CACHD1: variants seen among roughly 807,000 people sequenced by gnomAD.
CACHD1 encodes cache domain containing 1.
CACHD1 carries 71 observed loss-of-function variants against 138.7 expected under a neutral mutation model. The observed-to-expected ratio is 0.51, with a 90% CI of 0.42 to 0.62. CACHD1 has a LOEUF of 0.62. CACHD1 is among the 20% of genes least tolerant of loss of function. The probability of loss-of-function intolerance (pLI) is 0.00; values close to 1 mark genes in which losing one functional copy is unlikely to be tolerated. For missense variants in CACHD1, 1,389 were observed against 1,625.3 expected (o/e 0.85, Z 2.50); for synonymous variants, 578 against 591.5 (o/e 0.98, Z 0.33).
chr1:64,616,310 G>A (rs1245283414), intron 4 of CACHD1, among the ~76,000 whole-genome samples: 1 of 152,148 alleles, frequency 6.6e-6, no homozygotes, highest in Non-Finnish European at 1.5e-5. Context: ...CAAGCATGTG[G>A]TGGTTACCGT....
intron 4 of CACHD1, among the ~76,000 whole-genome samples, chr1:64,625,958 T>A (rs1417082196): frequency 2.6e-5 from 4 of 152,136 alleles, no homozygotes; most frequent in African/African-American, 7.2e-5. Flanking sequence ...TAAGTCGAGA[T>A]GTTTGCTAGA....
chr1:64,503,777 C>T (rs1437155092), intron 1 of CACHD1, among the ~76,000 whole-genome samples: 1 of 152,182 alleles, frequency 6.6e-6, no homozygotes, highest in Non-Finnish European at 1.5e-5. Flanking sequence ...ATTTGTTAGA[C>T]TAATGGGTAA....
chr1:64,682,899 CTT>C lies in CACHD1; in HGVS notation c.3586+805_3586+806del, dbSNP rs34723423. ...AGTGTTTTTCCTGCCATTGTAAAAT[CTT>C]TTTTTTTTTTTAAGATAGCTGTTTA... On this transcript the variant is annotated intron_variant, in intron 26 of 26. Transcript: ENST00000651257. Among the ~76,000 whole-genome samples, 1,053 of 147,360 alleles carry C rather than the reference CTT, an allele frequency of 7.1e-3. 9 individuals carry two copies. The highest frequency in any genetic ancestry group is 0.022 in the African/African-American group (901 of 40,454).
intron 16 of CACHD1, among the ~76,000 whole-genome samples, chr1:64,669,155 C>T (rs780731665): frequency 5.3e-5 from 8 of 152,108 alleles, no homozygotes; most frequent in Non-Finnish European, 8.8e-5. Context: ...AAATGTTAAG[C>T]ACTTTTATAA....
At chr1:64,520,349 C>G (rs1646489412) in intron 1 of CACHD1, among the ~76,000 whole-genome samples, 1 of 152,208 alleles carries the variant, frequency 6.6e-6, no homozygotes, top group Admixed American at 6.5e-5. Context: ...GTCTCACACA[C>G]CCACACAAAT....
chr1:64,575,768 A>G (rs1646962382), intron 2 of CACHD1, among the ~76,000 whole-genome samples: 2 of 152,206 alleles, frequency 1.3e-5, no homozygotes, highest in Non-Finnish European at 2.9e-5. Context: ...GGAAGCAGAC[A>G]TAAATAAAGT....
At chr1:64,678,037 C>A in intron 22 of CACHD1, 122 bp from the exon 23 acceptor site, 2 of 988,014 alleles carry the variant, frequency 2.0e-6, no homozygotes, top group Non-Finnish European at 2.9e-6. Context: ...GAAACTAAAG[C>A]TCAAGAAATT....
At chr1:64,652,502 C>G (rs1044355671) in intron 10 of CACHD1, among the ~76,000 whole-genome samples, 192 bp downstream of exon 10, 1 of 152,112 alleles carries the variant, frequency 6.6e-6, no homozygotes, top group African/African-American at 2.4e-5. Context: ...TTTCTCTGTT[C>G]TTTGAGGGGT....
intron 2 of CACHD1, among the ~76,000 whole-genome samples, chr1:64,560,881 GATT>G (rs1292734754): frequency 1.3e-5 from 2 of 151,860 alleles, no homozygotes; most frequent in Non-Finnish European, 2.9e-5. Flanking sequence ...ACACATTTAA[GATT>G]ATGTCTTCCT....
intron 3 of CACHD1, among the ~76,000 whole-genome samples, chr1:64,582,875 G>T (rs930271983): frequency 2.0e-5 from 3 of 152,142 alleles, no homozygotes; most frequent in African/African-American, 7.2e-5. Context: ...CACTTATCTG[G>T]AGGTGCAAAG....
chr1:64,679,178 T>C (rs1475835464), intron 23 of CACHD1, among the ~76,000 whole-genome samples: 1 of 152,204 alleles, frequency 6.6e-6, no homozygotes, highest in African/African-American at 2.4e-5. Flanking sequence ...GCTTCGAAAC[T>C]TGATCCGGTT....
chr1:64,606,145 A>ACACG (rs1479342829), intron 4 of CACHD1, among the ~76,000 whole-genome samples: 4 of 151,716 alleles, frequency 2.6e-5, no homozygotes, highest in Non-Finnish European at 4.4e-5. Flanking sequence ...ACACACGCAC[A>ACACG]CAGCTTATAA....
At chr1:64,667,553 G>A (rs1649676113) in intron 16 of CACHD1, among the ~76,000 whole-genome samples, 1 of 152,204 alleles carries the variant, frequency 6.6e-6, no homozygotes, top group African/African-American at 2.4e-5. Context: ...ACATCCCTCA[G>A]TGTTCTCATT....
intron 2 of CACHD1, among the ~76,000 whole-genome samples, chr1:64,555,077 C>T (rs1004636254): frequency 6.6e-6 from 1 of 152,156 alleles, no homozygotes; most frequent in African/African-American, 2.4e-5. Flanking sequence ...CAGCCTCCAC[C>T]TTTGGGGCTC....
rs139267751 is a variant in CACHD1, at chr1:64,503,209, T to A, written c.198+32267T>A. 1.1e-3 allele frequency among the ~76,000 whole-genome samples: 175 copies of A among 152,288 alleles called. 1 individual carries two copies. The highest frequency in any genetic ancestry group is 4.1e-3 in the African/African-American group (171 of 41,562). On this transcript the variant is annotated intron_variant, in intron 1 of 26. Transcript: ENST00000651257. ...GGACTGGCTGATAGTGGGAGTTTTT[T>A]AATGTGAAAAATAAAGGAGAAAAAA...
At chr1:64,573,703 A>C (rs1174179984) in intron 2 of CACHD1, among the ~76,000 whole-genome samples, 2 of 152,232 alleles carry the variant, frequency 1.3e-5, no homozygotes, top group Non-Finnish European at 2.9e-5. Flanking sequence ...TGTGCCAGGC[A>C]ACAAATAAAA....
At chr1:64,551,728 C>A (rs373132270) in intron 2 of CACHD1, among the ~76,000 whole-genome samples, 1 of 152,168 alleles carries the variant, frequency 6.6e-6, no homozygotes, top group East Asian at 1.9e-4. Context: ...TGAAGTGCAG[C>A]ATTTCCTGTT....
At chr1:64,568,704 G>A (rs548202716) in intron 2 of CACHD1, among the ~76,000 whole-genome samples, 3 of 152,064 alleles carry the variant, frequency 2.0e-5, no homozygotes, top group African/African-American at 7.3e-5. Flanking sequence ...GACTTCAGGG[G>A]TATGTATAGT....
chr1:64,482,477 G>A (rs1043329430), intron 1 of CACHD1, among the ~76,000 whole-genome samples: 15 of 152,138 alleles, frequency 9.9e-5, no homozygotes, highest in South Asian at 4.1e-4. Flanking sequence ...GCTTTTTGCC[G>A]CTTTTTCTGC....
Sources: allele counts gnomAD v4.1 joint callset (sites outside exome capture counted in the v4.1 genomes callset), GRCh38; gene constraint gnomAD v4.1.1; transcripts MANE v1.5; gene names NCBI Gene and HGNC (gene_info 2026-07-23, HGNC 2026-07-21).